The following NALCN variants were observed in gnomAD, a reference collection of about 807,000 sequenced individuals.
NALCN encodes sodium leak channel, non-selective, also known as sodium leak channel NALCN.
In NALCN, 111 loss-of-function variants were observed where a neutral mutation model predicts 225.3. That is an observed-to-expected ratio of 0.49 (90% CI 0.42 to 0.58). The LOEUF is 0.58. NALCN is among the 20% of genes least tolerant of loss of function. The pLI is 0.00. For synonymous variants in NALCN, 764 were observed against 769.0 expected (o/e 0.99, Z 0.11); for missense variants, 1,378 against 2,202.4 (o/e 0.63, Z 7.49).
intron 12 of NALCN, among the ~76,000 whole-genome samples, chr13:101,230,343 A>C (rs2041296216): frequency 6.6e-6 from 1 of 152,192 alleles, no homozygotes; most frequent in South Asian, 2.1e-4. Flanking sequence ...TTTTGCCAAG[A>C]ATCTTTACTT....
chr13:101,179,640 C>T (rs1267597389), intron 14 of NALCN, among the ~76,000 whole-genome samples: 2 of 152,170 alleles, frequency 1.3e-5, no homozygotes, highest in Non-Finnish European at 2.9e-5. Context: ...ACTGATGAGG[C>T]TGTACAGGGG....
rs1425071385 is a variant in NALCN at position 101,110,694 on chromosome 13, A to G, written c.2295-6T>C. On this transcript the variant is annotated splice_polypyrimidine_tract_variant and splice_region_variant and intron_variant, in intron 19 of 43. Coordinates refer to ENST00000251127, the MANE Select transcript of NALCN (RefSeq NM_052867.4). ...TTGATCCATGTCTTAGTGACCTAAA[A>G]CAACCACAGGCACTGGTTAATACAT... The G allele has an allele frequency of 5.0e-6, 8 of 1,613,914 alleles. No homozygotes were observed. Among genetic ancestry groups the G allele is most frequent in the Non-Finnish European group, 5.9e-6 (7 of 1,179,926 alleles).
At chr13:101,079,726 G>A (rs555318480) in intron 34 of NALCN, among the ~76,000 whole-genome samples, 1 of 152,328 alleles carries the variant, frequency 6.6e-6, no homozygotes, top group African/African-American at 2.4e-5. Flanking sequence ...TACTAGTACT[G>A]TGTCTTGTAC....
At chr13:101,252,979 A>G (rs1327665179) in intron 11 of NALCN, among the ~76,000 whole-genome samples, 1 of 152,156 alleles carries the variant, frequency 6.6e-6, no homozygotes, top group Admixed American at 6.5e-5. Context: ...ATACATTCAT[A>G]TAATAATAAG....
At position 101,292,178 on chromosome 13, in the gene NALCN, A is replaced by G; in HGVS notation, c.942+46T>C. 1 of 1,612,980 alleles carries G rather than the reference A, an allele frequency of 6.2e-7. No homozygotes were observed. Among genetic ancestry groups the G allele is most frequent in the Non-Finnish European group, 8.5e-7 (1 of 1,179,298 alleles). ...CCAAAACCAAACAAAAGATCTGCAG[A>G]ACTATCACAGAACATAGACTTTCTT... On this transcript the variant is annotated intron_variant, in intron 8 of 43. Coordinates refer to ENST00000251127, the MANE Select transcript of NALCN (RefSeq NM_052867.4). This position sits in a 1 kb window ranked among gnomAD's most constrained non-coding sequence, Gnocchi z 4.3.
chr13:101,271,611 G>T (rs1007493253), intron 10 of NALCN, among the ~76,000 whole-genome samples: 4 of 152,080 alleles, frequency 2.6e-5, no homozygotes, highest in South Asian at 2.1e-4. Flanking sequence ...GCCTGTGTGT[G>T]AGTGTATGTG....
intron 10 of NALCN, among the ~76,000 whole-genome samples, chr13:101,282,477 T>A (rs906880200): frequency 5.3e-5 from 8 of 151,784 alleles, no homozygotes; most frequent in African/African-American, 1.2e-4. Flanking sequence ...AAGCAGAGAG[T>A]AGGATTGTGG....
At chr13:101,214,778 T>C (rs959084644) in intron 13 of NALCN, among the ~76,000 whole-genome samples, 7 of 152,206 alleles carry the variant, frequency 4.6e-5, no homozygotes, top group African/African-American at 1.7e-4. Context: ...ACTGCTGAGA[T>C]ACTTGAGCAA....
chr13:101,311,209 T>C (rs1457886894), intron 7 of NALCN, among the ~76,000 whole-genome samples: 1 of 151,324 alleles, frequency 6.6e-6, no homozygotes, highest in Non-Finnish European at 1.5e-5. Context: ...CACATTGATT[T>C]TGTATCCTGA....
intron 7 of NALCN, among the ~76,000 whole-genome samples, chr13:101,309,545 T>C (rs1315081568): frequency 6.6e-6 from 1 of 152,226 alleles, no homozygotes; most frequent in Non-Finnish European, 1.5e-5. Context: ...ATATTCATTT[T>C]GTCTATTGGC....
At chr13:101,310,200 T>C (rs2044290505) in intron 7 of NALCN, among the ~76,000 whole-genome samples, 1 of 152,230 alleles carries the variant, frequency 6.6e-6, no homozygotes. Context: ...CTGATCAGTT[T>C]TGTCTCGCCT....
chr13:101,198,090 A>G (rs61974014), intron 13 of NALCN, among the ~76,000 whole-genome samples: 3,101 of 152,298 alleles, frequency 0.02, 50 homozygotes, highest in Non-Finnish European at 0.033. Context: ...CAGAGAGTAG[A>G]GGGTGAAAGC....
At chr13:101,262,761 G>T (rs1348416862) in intron 10 of NALCN, among the ~76,000 whole-genome samples, 1 of 152,064 alleles carries the variant, frequency 6.6e-6, no homozygotes, top group African/African-American at 2.4e-5. Flanking sequence ...CCTACATCAG[G>T]TGCTCTGGGC....
rs58817720 is a variant in NALCN at position 101,152,278 on chromosome 13, G to A, written c.1840-7382C>T. On this transcript the variant is annotated intron_variant, in intron 15 of 43. Transcript: ENST00000251127. ...CTGTATCCTGGCTGGTTACTCATTC[G>A]TCCAAGCAGCATGTCCCTTAAGTAA... Among the ~76,000 whole-genome samples the A allele has an allele frequency of 9.0e-3, 1,375 of 152,248 alleles. 17 individuals are homozygous for A. The highest frequency in any genetic ancestry group is 0.031 in the African/African-American group (1,271 of 41,540).
At chr13:101,375,285 C>T (rs1285604129) in intron 6 of NALCN, among the ~76,000 whole-genome samples, 1 of 152,152 alleles carries the variant, frequency 6.6e-6, no homozygotes, top group Admixed American at 6.5e-5. Context: ...CCCTCATTTG[C>T]TCTTCCTGAT....
intron 30 of NALCN, among the ~76,000 whole-genome samples, chr13:101,086,301 T>C (rs1027489919): frequency 1.3e-5 from 2 of 152,060 alleles, no homozygotes; most frequent in African/African-American, 4.8e-5. Flanking sequence ...GATTCTTCTT[T>C]AATATATACA....
intron 17 of NALCN, among the ~76,000 whole-genome samples, chr13:101,127,078 G>A (rs2036270119): frequency 6.6e-6 from 1 of 152,182 alleles, no homozygotes; most frequent in South Asian, 2.1e-4. Flanking sequence ...TGGAAGATGA[G>A]AGTCTGAATC....
chr13:101,065,595 C>T (rs200222224), intron 39 of NALCN, 34 bp from the exon 40 acceptor site: 8 of 1,606,388 alleles, frequency 5.0e-6, no homozygotes, highest in South Asian at 4.4e-5. Flanking sequence ...AGCAAATCAT[C>T]AGGCCTCGAT....
chr13:101,142,944 C>A (rs770997463), intron 17 of NALCN, 136 bp downstream of exon 17: 2 of 1,254,054 alleles, frequency 1.6e-6, no homozygotes, highest in Non-Finnish European at 2.3e-6. Context: ...TTCATGATAT[C>A]TTTTACAAAT....
Sources: allele counts gnomAD v4.1 joint callset (sites outside exome capture counted in the v4.1 genomes callset), GRCh38; gene constraint gnomAD v4.1.1; non-coding constraint Gnocchi (gnomAD v3.1); transcripts MANE v1.5; gene names NCBI Gene and HGNC (gene_info 2026-07-23, HGNC 2026-07-21).